Variants in TMX1 observed in about 807,000 individuals in gnomAD.
TMX1 encodes thioredoxin-related transmembrane protein 1.
In TMX1, 25 loss-of-function variants were observed where a neutral mutation model predicts 36.6. The ratio of observed to expected loss-of-function variants is 0.68; its 90% CI spans 0.50 to 0.95. The LOEUF (loss-of-function observed/expected upper bound fraction) is 0.95. Among genes scored for constraint, TMX1 ranks in the 40% least tolerant of loss-of-function variants. The probability of loss-of-function intolerance (pLI) is 0.00; values close to 1 mark genes in which losing one functional copy is unlikely to be tolerated. For missense variants in TMX1, 347 were observed against 339.6 expected (o/e 1.02, Z -0.17); for synonymous variants, 133 against 118.0 (o/e 1.13, Z -0.82).
chr14:51,244,042 T>C, intron 2 of TMX1, 71 bp downstream of exon 2: 2 of 1,241,442 alleles, frequency 1.6e-6, no homozygotes, highest in Non-Finnish European at 2.2e-6. Context: ...TTTTCTACAT[T>C]GCATAGTCTT....
chr14:51,245,572 T>A, intron 3 of TMX1: 1 of 1,257,800 alleles, frequency 8.0e-7, no homozygotes, highest in Non-Finnish European at 1.1e-6. Context: ...AGATTTACAG[T>A]TGTTTTGGAA....
At chr14:51,241,621 A>G (rs975167702) in intron 1 of TMX1, among the ~76,000 whole-genome samples, 1 of 152,212 alleles carries the variant, frequency 6.6e-6, no homozygotes, top group Non-Finnish European at 1.5e-5. Context: ...AGATTGAGGT[A>G]TGAGGATGAC....
At chr14:51,251,361 T>G (rs2065812377) in intron 7 of TMX1, among the ~76,000 whole-genome samples, 1 of 152,230 alleles carries the variant, frequency 6.6e-6, no homozygotes. Context: ...GTTAGTTGTA[T>G]TAAATGCCTT....
intron 7 of TMX1, among the ~76,000 whole-genome samples, chr14:51,251,665 C>G (rs1185353873): frequency 6.6e-6 from 1 of 152,180 alleles, no homozygotes; most frequent in African/African-American, 2.4e-5. Flanking sequence ...ATTGATTTCT[C>G]TGAGGATGTA....
rs568588181 is a variant in TMX1 at position 51,254,221 on chromosome 14, C to T, written c.665-120C>T. The T allele has an allele frequency of 6.8e-6, 5 of 730,684 alleles. No individual in the cohort carries two copies. In the African/African-American group the frequency reaches 9.2e-5, roughly 13 times the overall value. 45.3% of individuals were successfully genotyped at this position (730,684 alleles called of 1,614,324 possible). Reference sequence around the variant, plus strand: ...CTTGAATAACTTTCCTTTTGGACATCCAAACATGATAAATTTATGCCAAAG... The same window carrying T: ...CTTGAATAACTTTCCTTTTGGACATTCAAACATGATAAATTTATGCCAAAG... On this transcript the variant is annotated intron_variant, in intron 7 of 7. Transcript: ENST00000457354.
intron 3 of TMX1, chr14:51,245,566 T>G: frequency 7.8e-7 from 1 of 1,289,658 alleles, no homozygotes; most frequent in Non-Finnish European, 1.1e-6. Context: ...TCTCAAAGAT[T>G]TACAGTTGTT....
At chr14:51,247,352 A>ATTTTTTTTT (rs35852707) in intron 4 of TMX1, 132 bp downstream of exon 4, 29 of 301,178 alleles carry the variant, frequency 9.6e-5, no homozygotes, top group Non-Finnish European at 1.1e-4. Context: ...TACATGTTTG[A>ATTTTTTTTT]TTTTTTTTTT....
Position 51,243,929 on chromosome 14 carries a change from C to A in TMX1, c.226C>A (p.Leu76Ile). The change falls in exon 2 of 8, where the codon CTT becomes ATT. Residue 76 changes from leucine (L) to isoleucine (I), a missense_variant. Coordinates refer to ENST00000457354, the MANE Select transcript of TMX1 (RefSeq NM_030755.5). Reference sequence around the variant, plus strand: ...AAGTTTTGCTGAATGGGGAGAAGATCTTGAGGTTAATATTGCGAAAGTAGA... The same window carrying A: ...AAGTTTTGCTGAATGGGGAGAAGATATTGAGGTTAATATTGCGAAAGTAGA... Reference protein sequence around the residue: ...WESFAEWGEDLEVNIAKVDVT... With the variant: ...WESFAEWGEDIEVNIAKVDVT... 6.2e-7 allele frequency: 1 copy of A among 1,612,298 alleles called. No homozygotes were observed. The highest frequency in any genetic ancestry group is 1.1e-5 in the South Asian group (1 of 90,544).
At chr14:51,247,574 G>T (rs1205895219) in intron 4 of TMX1, among the ~76,000 whole-genome samples, 1 of 152,012 alleles carries the variant, frequency 6.6e-6, no homozygotes, top group Non-Finnish European at 1.5e-5. Flanking sequence ...AGCCAGGATG[G>T]TCTTGATCTC....
chr14:51,245,232 G>A (rs2065779779), intron 2 of TMX1, 81 bp from the exon 3 acceptor site: 6 of 1,460,996 alleles, frequency 4.1e-6, no homozygotes, highest in Non-Finnish European at 5.7e-6. Flanking sequence ...CTATTAGTAT[G>A]TATTTAAATA....
At position 51,246,974 on chromosome 14, in the gene TMX1, G is replaced by T. The variant is rs2065788433; in HGVS notation, c.315-118G>T. ...ATAGTATAATTTGCTATTAATACTT[G>T]TACATTGCTAATGCTTTTGAATGTT... On this transcript the variant is annotated intron_variant, in intron 3 of 7. Coordinates refer to ENST00000457354, the MANE Select transcript of TMX1 (RefSeq NM_030755.5). 3.4e-6 allele frequency: 3 copies of T among 873,168 alleles called. No individual in the cohort carries two copies. The South Asian group carries it at 6.9e-5, about 20-fold the overall frequency. 54.1% of individuals were successfully genotyped at this position (873,168 alleles called of 1,614,324 possible). A position where few individuals can be genotyped will look rare whatever the true frequency, so the allele number is the denominator to read the frequency against.
At chr14:51,244,501 T>C (rs1283237816) in intron 2 of TMX1, among the ~76,000 whole-genome samples, 2 of 152,180 alleles carry the variant, frequency 1.3e-5, no homozygotes, top group Non-Finnish European at 2.9e-5. Context: ...GGATGTGGGC[T>C]TCTAAATATA....
chr14:51,242,982 C>T (rs1160522291), intron 1 of TMX1, among the ~76,000 whole-genome samples: 1 of 151,002 alleles, frequency 6.6e-6, no homozygotes, highest in East Asian at 1.9e-4. Flanking sequence ...TCTTGTTCTA[C>T]AATGTCTATT....
At chr14:51,244,787 A>G (rs937332111) in intron 2 of TMX1, among the ~76,000 whole-genome samples, 11 of 152,244 alleles carry the variant, frequency 7.2e-5, no homozygotes, top group Non-Finnish European at 1.3e-4. Flanking sequence ...CATTTCACAG[A>G]TAAGAAAACT....
At chr14:51,240,467 C>A in intron 1 of TMX1, 23 bp downstream of exon 1, 1 of 1,609,912 alleles carries the variant, frequency 6.2e-7, no homozygotes, top group South Asian at 1.1e-5. Flanking sequence ...CGGCCAGGGT[C>A]CTACGTCCGT....
chr14:51,254,614 A>G lies in TMX1; in HGVS notation c.*95A>G. The G allele has an allele frequency of 1.8e-6, 2 of 1,120,414 alleles. No homozygotes were observed. Among genetic ancestry groups the G allele is most frequent in the South Asian group, 3.1e-5 (2 of 64,156 alleles). 69.4% of individuals were successfully genotyped at this position (1,120,414 alleles called of 1,614,324 possible). A position where few individuals can be genotyped will look rare whatever the true frequency, so the allele number is the denominator to read the frequency against. ...GAAGTGAACTGTGACTTTTTTGAATATTGCAGGGTTCAGTCTAGATTGTCA... is the reference window on the plus strand; with the variant it reads ...GAAGTGAACTGTGACTTTTTTGAATGTTGCAGGGTTCAGTCTAGATTGTCA... On this transcript the variant is annotated 3_prime_UTR_variant, in exon 8 of 8. Transcript: ENST00000457354.
At chr14:51,240,763 G>A (rs2140468484) in intron 1 of TMX1, among the ~76,000 whole-genome samples, 1 of 152,328 alleles carries the variant, frequency 6.6e-6, no homozygotes, top group South Asian at 2.1e-4. Context: ...GGGGCGCGGG[G>A]AGGGAGGTGT....
At chr14:51,242,147 T>G (rs2065764879) in intron 1 of TMX1, among the ~76,000 whole-genome samples, 1 of 151,844 alleles carries the variant, frequency 6.6e-6, no homozygotes, top group Non-Finnish European at 1.5e-5. Context: ...AGTAGAACAT[T>G]TATATGGAGG....
chr14:51,242,319 T>C (rs1367931860), intron 1 of TMX1, among the ~76,000 whole-genome samples: 2 of 152,200 alleles, frequency 1.3e-5, no homozygotes, highest in Admixed American at 6.5e-5. Context: ...AATAGTGTTA[T>C]AAGCAATATA....
Sources: allele counts gnomAD v4.1 joint callset (sites outside exome capture counted in the v4.1 genomes callset), GRCh38; gene constraint gnomAD v4.1.1; transcripts MANE v1.5; gene names NCBI Gene and HGNC (gene_info 2026-07-23, HGNC 2026-07-21).